LETMD1: variants seen among roughly 807,000 people sequenced by gnomAD.
LETMD1 encodes LETM1 domain-containing protein 1.
A neutral mutation model predicts 43.9 loss-of-function variants in LETMD1; 30 were observed. The ratio of observed to expected loss-of-function variants is 0.68; its 90% CI spans 0.51 to 0.93. LETMD1 has a LOEUF of 0.93. Among genes scored for constraint, LETMD1 ranks in the 40% least tolerant of loss-of-function variants. LETMD1 has a pLI of 0.00. For synonymous variants in LETMD1, 176 were observed against 163.1 expected (o/e 1.08, Z -0.60); for missense variants, 413 against 447.7 (o/e 0.92, Z 0.70).
In LETMD1 at chr12:51,052,183, C is replaced by A. The variant is rs777514041; in HGVS notation, c.366C>A (p.Tyr122Ter). Residue 122 changes from tyrosine to a stop codon, truncating the protein, a stop_gained, in exon 3 of 9, where the codon TAC becomes TAA. Coordinates refer to ENST00000262055, the MANE Select transcript of LETMD1 (RefSeq NM_015416.5). LOFTEE classifies it high-confidence loss of function. Reference sequence around the variant, plus strand: ...ATATAAAGTTTCATCAACTTCCATACCGGGAGATGGAGCATTTGAGACAGG... The same window carrying A: ...ATATAAAGTTTCATCAACTTCCATAACGGGAGATGGAGCATTTGAGACAGG... The part of the protein sequence containing the change: ...KHNIKFHQLP[Y>*]REMEHLRQFR... 6.2e-7 allele frequency: 1 copy of A among 1,613,740 alleles called. No individual in the cohort carries two copies. The highest frequency in any genetic ancestry group is 2.2e-5 in the East Asian group (1 of 44,870).
At chr12:51,051,145 C>T (rs1945975467) in intron 2 of LETMD1, among the ~76,000 whole-genome samples, 1 of 152,106 alleles carries the variant, frequency 6.6e-6, no homozygotes, top group African/African-American at 2.4e-5. Context: ...GTGGCTCACG[C>T]CTGTAATCCT....
intron 3 of LETMD1, among the ~76,000 whole-genome samples, chr12:51,052,658 G>A (rs1227466861): frequency 6.6e-6 from 1 of 152,004 alleles, no homozygotes; most frequent in Non-Finnish European, 1.5e-5. Flanking sequence ...GCGGGCGCCT[G>A]TAATCCCAGC....
At chr12:51,057,538 T>C (rs773997601) in intron 7 of LETMD1, 1 of 162,700 alleles carries the variant, frequency 6.1e-6, no homozygotes, top group Admixed American at 5.9e-5. Flanking sequence ...TATTTTAGCT[T>C]ATATAGGACT....
chr12:51,067,724 C>G, the LETMD1 span: 1 of 1,614,196 alleles, frequency 6.2e-7, no homozygotes, highest in African/African-American at 1.3e-5. The surrounding 1 kb of genome is among the most constrained non-coding windows in gnomAD (Gnocchi z 4.1). Context: ...GGTCACAATA[C>G]AGTCGGCAGT....
chr12:51,055,803 G>A lies in LETMD1; in HGVS notation c.474-32G>A, dbSNP rs764518826. 13 of 1,530,700 alleles carry A rather than the reference G, an allele frequency of 8.5e-6. No individual in the cohort carries two copies. In the Admixed American group the frequency reaches 2.2e-4, roughly 25 times the overall value. 94.8% of individuals were successfully genotyped at this position (1,530,700 alleles called of 1,614,324 possible). On this transcript the variant is annotated intron_variant, in intron 4 of 8. Coordinates refer to ENST00000262055, the MANE Select transcript of LETMD1 (RefSeq NM_015416.5). ...CTTCCTCTGAAAGAAGCCAGTTTCA[G>A]CAAGTGAGTTTGTGATTCTTTCTCC...
intron 1 of LETMD1, chr12:51,048,681 G>T: frequency 1.5e-6 from 1 of 666,044 alleles, no homozygotes; most frequent in Non-Finnish European, 2.5e-6. Flanking sequence ...CATATTGTCT[G>T]GTTTCCCCGC....
At chr12:51,051,827 C>T (rs1946248777) in intron 2 of LETMD1, among the ~76,000 whole-genome samples, 1 of 152,088 alleles carries the variant, frequency 6.6e-6, no homozygotes, top group Non-Finnish European at 1.5e-5. Flanking sequence ...AAAGGAGTGA[C>T]CAGTGAAACA....
upstream of LETMD1, chr12:51,048,274 G>A (rs913558482): frequency 2.5e-6 from 4 of 1,576,622 alleles, no homozygotes; most frequent in Non-Finnish European, 3.5e-6. Context: ...CAGAAAAGAC[G>A]CATGCGTCTT....
chr12:51,050,389 A>AT (rs894353132), intron 2 of LETMD1, among the ~76,000 whole-genome samples: 62 of 151,856 alleles, frequency 4.1e-4, no homozygotes, highest in African/African-American at 1.5e-3. Context: ...CACCAGGCTA[A>AT]TTTTTTTATT....
downstream of LETMD1, chr12:51,064,163 C>T (rs369851163): frequency 9.9e-6 from 16 of 1,614,004 alleles, no homozygotes; most frequent in African/African-American, 5.3e-5. Flanking sequence ...GGCTGTTCAC[C>T]GTTGAGGCAG....
chr12:51,064,348 C>T (rs753528275), downstream of LETMD1: 29 of 1,614,052 alleles, frequency 1.8e-5, no homozygotes, highest in Admixed American at 2.2e-4. Flanking sequence ...GCACTAGAGC[C>T]GCTGGAATCT....
chr12:51,048,286 G>C (rs1260283081), upstream of LETMD1: 2 of 1,607,818 alleles, frequency 1.2e-6, no homozygotes. Context: ...ATGCGTCTTC[G>C]AACGAACGCG....
downstream of LETMD1, among the ~76,000 whole-genome samples, chr12:51,061,004 G>A (rs573126851): frequency 1.3e-5 from 2 of 151,882 alleles, no homozygotes; most frequent in South Asian, 4.2e-4. Flanking sequence ...TGCTTCAGCT[G>A]AACAGGTACA....
chr12:51,062,954 C>T (rs1267782988), downstream of LETMD1: 1 of 152,366 alleles, frequency 6.6e-6, no homozygotes, highest in Non-Finnish European at 1.5e-5. Flanking sequence ...CCTGACAGTG[C>T]TAGTGTCAGA....
At position 51,060,134 on chromosome 12, in the gene LETMD1, G is replaced by C. The variant is rs1948724257; in HGVS notation, c.*703G>C. The C allele has an allele frequency of 6.5e-6, 1 of 152,716 alleles. No homozygotes were observed. The highest frequency in any genetic ancestry group is 2.1e-4 in the South Asian group (1 of 4,810). 9.5% of individuals were successfully genotyped at this position (152,716 alleles called of 1,614,324 possible). A position where few individuals can be genotyped will look rare whatever the true frequency, so the allele number is the denominator to read the frequency against. ...GCCTTCACTCTCCATTGTCTTTTCT[G>C]GGCTGTATTACAGCCCTCTGTGGAT... On this transcript the variant is annotated 3_prime_UTR_variant, in exon 9 of 9. Transcript: ENST00000262055.
At chr12:51,049,554 T>C in intron 2 of LETMD1, 1 of 181,158 alleles carries the variant, frequency 5.5e-6, no homozygotes. Flanking sequence ...GAAAATGAGG[T>C]CTAACCCTTG....
downstream of LETMD1, chr12:51,061,714 T>A (rs1948836695): frequency 6.6e-6 from 1 of 152,194 alleles, no homozygotes; most frequent in Non-Finnish European, 1.5e-5. Context: ...TACAGATTCA[T>A]ATTCCTGGTT....
chr12:51,049,333 T>C, intron 2 of LETMD1, 148 bp downstream of exon 2: 1 of 621,018 alleles, frequency 1.6e-6, no homozygotes, highest in Non-Finnish European at 2.7e-6. Flanking sequence ...TTAAACTAAT[T>C]CCTATAAATT....
At chr12:51,066,331 T>C in the LETMD1 span, among the ~76,000 whole-genome samples, 2 of 151,688 alleles carry the variant, frequency 1.3e-5, no homozygotes, top group South Asian at 4.1e-4. Context: ...TGTGTGCCTA[T>C]AGTCCCAGCT....
Sources: gnomAD v4.1 joint callset for allele counts (sites outside exome capture counted in the v4.1 genomes callset) on GRCh38, gnomAD v4.1.1 for gene constraint, Gnocchi (gnomAD v3.1) non-coding constraint, MANE v1.5 for transcripts, NCBI Gene and HGNC (gene_info 2026-07-23, HGNC 2026-07-21) for gene names.